Variants in ZSWIM6 observed in about 807,000 individuals in gnomAD.
ZSWIM6 encodes the protein zinc finger SWIM domain-containing protein 6.
In ZSWIM6, 9 loss-of-function variants were observed where a neutral mutation model predicts 113.2. The ratio of observed to expected loss-of-function variants is 0.08; its 90% CI spans 0.05 to 0.14. The LOEUF (loss-of-function observed/expected upper bound fraction) is 0.14, where lower values mean the gene tolerates loss of function less well. Among genes scored for constraint, ZSWIM6 ranks in the 10% least tolerant of loss-of-function variants. The probability of loss-of-function intolerance (pLI) is 1.00; values close to 1 mark genes in which losing one functional copy is unlikely to be tolerated. For missense variants in ZSWIM6, 1,162 were observed against 1,552.2 expected (o/e 0.75, Z 4.22); for synonymous variants, 611 against 606.5 (o/e 1.01, Z -0.11).
At chr5:61,378,808 G>A (rs979550030) in intron 1 of ZSWIM6, among the ~76,000 whole-genome samples, 1 of 151,746 alleles carries the variant, frequency 6.6e-6, no homozygotes, top group Non-Finnish European at 1.5e-5. Flanking sequence ...TGCCCACCTC[G>A]GCCTCCCAAA....
chr5:61,376,398 T>C (rs1356666726), intron 1 of ZSWIM6, among the ~76,000 whole-genome samples: 1 of 152,004 alleles, frequency 6.6e-6, no homozygotes, highest in Admixed American at 6.6e-5. Context: ...CCTTTGATCC[T>C]CACACATCTG....
At chr5:61,440,360 TAA>T (rs11356012) in intron 1 of ZSWIM6, among the ~76,000 whole-genome samples, 1,439 of 113,032 alleles carry the variant, frequency 0.013, 19 homozygotes, top group African/African-American at 0.036. Flanking sequence ...TTCATTGGTG[TAA>T]AAAAAAAAAA....
chr5:61,531,428 G>C, intron 8 of ZSWIM6, 37 bp from the exon 9 acceptor site: 1 of 1,524,376 alleles, frequency 6.6e-7, no homozygotes, highest in Non-Finnish European at 8.9e-7. Context: ...TGCAAAAGTA[G>C]TTTCTGAGCT....
At chr5:61,370,878 T>C (rs1258389499) in intron 1 of ZSWIM6, among the ~76,000 whole-genome samples, 1 of 152,228 alleles carries the variant, frequency 6.6e-6, no homozygotes, top group Non-Finnish European at 1.5e-5. Flanking sequence ...GTTGTTTTAA[T>C]GTGAAAATTT....
chr5:61,351,699 T>G (rs1266016926), intron 1 of ZSWIM6, among the ~76,000 whole-genome samples: 3 of 152,332 alleles, frequency 2.0e-5, no homozygotes, highest in South Asian at 4.1e-4. Flanking sequence ...CCACATTCTA[T>G]TTTTGCTATC....
chr5:61,521,183 A>C, intron 4 of ZSWIM6, 80 bp from the exon 5 acceptor site: 2 of 890,044 alleles, frequency 2.2e-6, no homozygotes, highest in Non-Finnish European at 1.5e-6. Flanking sequence ...AATTTTAATA[A>C]ATTTAAACAA....
At chr5:61,448,699 A>G (rs982802935) in intron 1 of ZSWIM6, among the ~76,000 whole-genome samples, 48 of 152,316 alleles carry the variant, frequency 3.2e-4, no homozygotes, top group African/African-American at 1.1e-3. Flanking sequence ...GTGTCAGTAC[A>G]ATAAACACAC....
intron 4 of ZSWIM6, among the ~76,000 whole-genome samples, chr5:61,498,022 A>G (rs1208158495): frequency 6.6e-6 from 1 of 152,096 alleles, no homozygotes; most frequent in Non-Finnish European, 1.5e-5. Flanking sequence ...GAGGGGATAC[A>G]CTGTAACCTC....
At chr5:61,341,701 A>G (rs894484064) in intron 1 of ZSWIM6, among the ~76,000 whole-genome samples, 2 of 152,078 alleles carry the variant, frequency 1.3e-5, no homozygotes, top group African/African-American at 4.8e-5. Flanking sequence ...CTTCTCCAGT[A>G]TTGTTTGTAT....
At chr5:61,391,800 C>T (rs1337918752) in intron 1 of ZSWIM6, 4 of 880,626 alleles carry the variant, frequency 4.5e-6, no homozygotes, top group Middle Eastern at 2.7e-4. Flanking sequence ...TCCCATGATG[C>T]TTCCTGCTGC....
chr5:61,367,851 T>A (rs1418591292), intron 1 of ZSWIM6, among the ~76,000 whole-genome samples: 2 of 152,150 alleles, frequency 1.3e-5, no homozygotes, highest in Non-Finnish European at 2.9e-5. Context: ...CTGGGCATAG[T>A]GGCTCACACC....
chr5:61,416,746 T>A (rs980582203), intron 1 of ZSWIM6, among the ~76,000 whole-genome samples: 1 of 152,218 alleles, frequency 6.6e-6, no homozygotes, highest in Non-Finnish European at 1.5e-5. Flanking sequence ...CACAAATAAG[T>A]TGCTAAGACT....
intron 3 of ZSWIM6, among the ~76,000 whole-genome samples, chr5:61,492,602 A>G (rs1748210892): frequency 6.6e-6 from 1 of 152,148 alleles, no homozygotes; most frequent in Non-Finnish European, 1.5e-5. Context: ...ATTGTATCCA[A>G]TAAATGGCAA....
At chr5:61,347,746 C>G (rs1265468258) in intron 1 of ZSWIM6, 2 of 152,058 alleles carry the variant, frequency 1.3e-5, no homozygotes, top group East Asian at 3.8e-4. Context: ...GTGAAAATAT[C>G]CTAATTTATG....
At position 61,490,910 on chromosome 5, in the gene ZSWIM6, G is replaced by A; in HGVS notation, c.1158G>A (p.Lys386=). The A allele has an allele frequency of 1.3e-6, 2 of 1,536,486 alleles. No individual in the cohort carries two copies. The highest frequency in any genetic ancestry group is 8.8e-7 in the Non-Finnish European group (1 of 1,142,232). Residue 386 remains lysine, a synonymous_variant, in exon 3 of 14, where the codon AAG becomes AAA. Transcript: ENST00000252744. ...AGGGCGGGTACCACGGATCAGGGAA[G>A]CAGCTTAATTTGCTCTTTGCAAAGG... ...LSQGGYHGSG[K]QLNLLFAKVR...
At chr5:61,399,115 G>A (rs1253261853) in intron 1 of ZSWIM6, among the ~76,000 whole-genome samples, 1 of 151,330 alleles carries the variant, frequency 6.6e-6, no homozygotes, top group Non-Finnish European at 1.5e-5. Flanking sequence ...AGTAGAGACG[G>A]GGTTTCTCCA....
intron 1 of ZSWIM6, among the ~76,000 whole-genome samples, chr5:61,429,162 T>C: frequency 6.6e-6 from 1 of 152,248 alleles, no homozygotes; most frequent in African/African-American, 2.4e-5. Flanking sequence ...TTCTGACACA[T>C]TCATTGAGTG....
chr5:61,538,825 T>G lies in ZSWIM6; in HGVS notation c.2393T>G (p.Leu798Trp). The G allele has an allele frequency of 6.4e-7, 1 of 1,551,592 alleles. No homozygotes were observed. Among genetic ancestry groups the G allele is most frequent in the Non-Finnish European group, 8.7e-7 (1 of 1,146,800 alleles). ...IALRAMRLLV[L>W]ESTAPSGDLT... ...TCTTCTCATTATAGGTTACTAGTAT[T>G]GGAATCTACTGCTCCATCAGGAGAC... Residue 798 changes from leucine (L) to tryptophan (W), a missense_variant, in exon 11 of 14, where the codon TTG (leucine) becomes TGG (tryptophan). Physicochemically the swap from Leu to Trp is moderately conservative, Grantham distance 61. Transcript: ENST00000252744.
intron 1 of ZSWIM6, among the ~76,000 whole-genome samples, chr5:61,365,846 A>T (rs557268760): frequency 8.5e-5 from 13 of 152,318 alleles, no homozygotes; most frequent in Middle Eastern, 3.4e-3. Flanking sequence ...ATGTGTCTAA[A>T]ATGGGCACAT....
Sources: gnomAD v4.1 joint callset for allele counts (sites outside exome capture counted in the v4.1 genomes callset) on GRCh38, gnomAD v4.1.1 for gene constraint, MANE v1.5 for transcripts, NCBI Gene and HGNC (gene_info 2026-07-23, HGNC 2026-07-21) for gene names.